LETMD1: variants seen among roughly 807,000 people sequenced by gnomAD.
The protein encoded by LETMD1 is LETM1 domain containing 1.
A neutral mutation model predicts 43.9 loss-of-function variants in LETMD1; 30 were observed. That is an observed-to-expected ratio of 0.68 (90% CI 0.51 to 0.93). The LOEUF (loss-of-function observed/expected upper bound fraction) is 0.93. LETMD1 is among the 40% of genes least tolerant of loss of function. The probability of loss-of-function intolerance (pLI) is 0.00; values close to 1 mark genes in which losing one functional copy is unlikely to be tolerated. For missense variants in LETMD1, 413 were observed against 447.7 expected (o/e 0.92, Z 0.70); for synonymous variants, 176 against 163.1 (o/e 1.08, Z -0.60).
In LETMD1 at chr12:51,059,297, C is replaced by T. The variant is rs1948589527; in HGVS notation, c.1013-64C>T. 3.5e-6 allele frequency: 5 copies of T among 1,438,668 alleles called. No individual in the cohort carries two copies. In the Admixed American group the frequency reaches 6.8e-5, roughly 19 times the overall value. 89.1% of individuals were successfully genotyped at this position (1,438,668 alleles called of 1,614,324 possible). A position where few individuals can be genotyped will look rare whatever the true frequency, so the allele number is the denominator to read the frequency against. On this transcript the variant is annotated intron_variant, in intron 8 of 8. Transcript: ENST00000262055. Reference sequence around the variant, plus strand: ...TGGCTTCCTGCCTCCAGGCTTAAGCCATATATAACAAGGCAGTTATAAGGC... The same window carrying T: ...TGGCTTCCTGCCTCCAGGCTTAAGCTATATATAACAAGGCAGTTATAAGGC...
In LETMD1 at chr12:51,059,952, GTTGTT is replaced by G. The variant is rs1388081614; in HGVS notation, c.*529_*533del. On this transcript the variant is annotated 3_prime_UTR_variant, in exon 9 of 9. Transcript: ENST00000262055. The stretch of plus-strand genomic sequence containing the variant: ...CCTTTCTGATATGACCAAAAATCAA[GTTGTT>G]TTGTTTTTTGTCACCTTCACTGGCA... The G allele has an allele frequency of 1.3e-5, 2 of 153,412 alleles. No individual in the cohort carries two copies. Among genetic ancestry groups the G allele is most frequent in the Non-Finnish European group, 2.9e-5 (2 of 68,878 alleles). The allele number at this position is 153,412 out of a possible 1,614,324, so 9.5% of individuals were successfully genotyped here.
At chr12:51,049,948 G>A (rs1361641135) in intron 2 of LETMD1, among the ~76,000 whole-genome samples, 1 of 152,176 alleles carries the variant, frequency 6.6e-6, no homozygotes, top group Non-Finnish European at 1.5e-5. Flanking sequence ...ATAAGTTGGT[G>A]CAAAAGTAAT....
intron 7 of LETMD1, chr12:51,057,827 A>G: frequency 1.7e-6 from 1 of 584,300 alleles, no homozygotes; most frequent in Non-Finnish European, 3.1e-6. Context: ...GTGTTTCACC[A>G]TATTGGCCAG....
At chr12:51,065,816 T>C in the LETMD1 span, among the ~76,000 whole-genome samples, 6 of 152,216 alleles carry the variant, frequency 3.9e-5, no homozygotes, top group Non-Finnish European at 7.3e-5. Flanking sequence ...TGACTCATTA[T>C]GGGACTTTGG....
chr12:51,049,971 C>T (rs571276893), intron 2 of LETMD1, among the ~76,000 whole-genome samples: 3 of 152,130 alleles, frequency 2.0e-5, no homozygotes, highest in Non-Finnish European at 4.4e-5. Context: ...CGGCTTTTGG[C>T]TTTCAGTGGC....
At chr12:51,059,092 A>G (rs10876130) in intron 8 of LETMD1, 192,861 of 413,322 alleles carry the variant, frequency 0.47, 49,494 homozygotes, top group Non-Finnish European at 0.57. Context: ...AAGAATCCCA[A>G]CGCGACTGGT....
chr12:51,048,588 G>A, intron 1 of LETMD1, 110 bp downstream of exon 1: 1 of 1,395,682 alleles, frequency 7.2e-7, no homozygotes, highest in East Asian at 2.3e-5. Flanking sequence ...CTTGGCCCTG[G>A]AATTTTTATT....
downstream of LETMD1, chr12:51,064,261 G>A: frequency 1.2e-6 from 2 of 1,613,156 alleles, no homozygotes; most frequent in Non-Finnish European, 1.7e-6. Flanking sequence ...GTAAGGCCTG[G>A]GCACAGCTCT....
intron 7 of LETMD1, chr12:51,057,786 T>C: frequency 2.2e-6 from 1 of 456,332 alleles, no homozygotes. Context: ...CCACCACGCC[T>C]GGCTAATTTT....
rs199610697 is a variant in LETMD1 at position 51,053,844 on chromosome 12, C to A, written c.457C>A (p.Leu153Met). 37 of 1,610,484 alleles carry A rather than the reference C, an allele frequency of 2.3e-5. No individual in the cohort carries two copies. In the Admixed American group the frequency reaches 6.2e-4, roughly 27 times the overall value. ...TTCCATTCCACCTTTTGCCAACTAC[C>A]TGGTCTTCTTGCTAATGTGAGTACA... The part of the protein sequence containing the change: ...IISIPPFANY[L>M]VFLLMYLFPR... The change falls in exon 4 of 9, where the codon CTG becomes ATG. Residue 153 changes from leucine (L) to methionine (M), a missense_variant. By Grantham distance (15) the Leu-to-Met change is conservative. Coordinates refer to ENST00000262055, the MANE Select transcript of LETMD1 (RefSeq NM_015416.5).
intron 4 of LETMD1, 81 bp downstream of exon 4, chr12:51,053,941 A>G: frequency 1.1e-6 from 1 of 883,782 alleles, no homozygotes; most frequent in African/African-American, 1.7e-5. Context: ...AACAGCACTC[A>G]TTTCAGAAGA....
chr12:51,050,869 C>G (rs570014156), intron 2 of LETMD1, among the ~76,000 whole-genome samples: 1 of 151,142 alleles, frequency 6.6e-6, no homozygotes, highest in Non-Finnish European at 1.5e-5. Flanking sequence ...CAAAATCAGC[C>G]AGGTATAGTG....
intron 7 of LETMD1, 172 bp from the exon 8 acceptor site, chr12:51,057,860 C>T (rs1302138006): frequency 2.1e-5 from 14 of 658,244 alleles, no homozygotes; most frequent in South Asian, 7.9e-5. Flanking sequence ...CTCCTGACCT[C>T]GTGATCCGCC....
intron 4 of LETMD1, among the ~76,000 whole-genome samples, chr12:51,054,963 G>T (rs1947213537): frequency 6.6e-6 from 1 of 152,072 alleles, no homozygotes; most frequent in Admixed American, 6.6e-5. Context: ...AGCTAGGCGT[G>T]GTGGCGGGTG....
At chr12:51,066,746 A>G in the LETMD1 span, among the ~76,000 whole-genome samples, 1 of 152,230 alleles carries the variant, frequency 6.6e-6, no homozygotes, top group Non-Finnish European at 1.5e-5. Flanking sequence ...AAAGCTCTGA[A>G]TACTATTTTG....
chr12:51,067,230 G>A, the LETMD1 span, among the ~76,000 whole-genome samples: 2 of 150,056 alleles, frequency 1.3e-5, no homozygotes, highest in African/African-American at 4.8e-5. The surrounding 1 kb of genome is among the most constrained non-coding windows in gnomAD (Gnocchi z 4.1). Context: ...AATGTTAAAT[G>A]TACTAACTCC....
intron 4 of LETMD1, among the ~76,000 whole-genome samples, chr12:51,055,078 T>C (rs1390509841): frequency 5.3e-5 from 8 of 151,754 alleles, no homozygotes; most frequent in African/African-American, 1.9e-4. Context: ...CCAGCTTGGG[T>C]GACAGAGCGA....
chr12:51,051,278 C>G (rs983186853), intron 2 of LETMD1, among the ~76,000 whole-genome samples: 2 of 151,652 alleles, frequency 1.3e-5, no homozygotes, highest in Non-Finnish European at 1.5e-5. Context: ...GTGATGGGCA[C>G]CTATAATCCC....
At chr12:51,048,224 T>A (rs1458787701), upstream of LETMD1, 9 of 1,210,066 alleles carry the variant, frequency 7.4e-6, no homozygotes, top group Non-Finnish European at 1.1e-5. Context: ...TCTCCTGGCT[T>A]GTGCTGGAGC....
Sources: allele counts gnomAD v4.1 joint callset (sites outside exome capture counted in the v4.1 genomes callset), GRCh38; gene constraint gnomAD v4.1.1; non-coding constraint Gnocchi (gnomAD v3.1); transcripts MANE v1.5; gene names NCBI Gene and HGNC (gene_info 2026-07-23, HGNC 2026-07-21).